The following OR10Z1 variants were observed in gnomAD, a reference collection of about 807,000 sequenced individuals.
The protein encoded by OR10Z1 is olfactory receptor 10Z1.
For synonymous variants in OR10Z1, 187 were observed against 151.2 expected (o/e 1.24, Z -1.74); for missense variants, 468 against 371.0 (o/e 1.26, Z -2.15).
rs1225861960 is a variant in OR10Z1, at chr1:158,609,829, A to C, written c.*2449A>C. 1 of 152,126 alleles carries C rather than the reference A, an allele frequency of 6.6e-6. No individual in the cohort carries two copies. Among genetic ancestry groups the C allele is most frequent in the Non-Finnish European group, 1.5e-5 (1 of 68,016 alleles). 9.4% of individuals were successfully genotyped at this position (152,126 alleles called of 1,614,324 possible). The stretch of plus-strand genomic sequence containing the variant: ...CTAATAATTTGATTTAGGCCTTGAA[A>C]ATTTTTGGCAGGGTTAGCATTGGGG... On this transcript the variant is annotated 3_prime_UTR_variant, in exon 2 of 2. Coordinates refer to ENST00000641002, the MANE Select transcript of OR10Z1 (RefSeq NM_001004478.2).
Position 158,607,658 on chromosome 1 carries a change from A to T in OR10Z1, c.*278A>T. On this transcript the variant is annotated 3_prime_UTR_variant, in exon 2 of 2. Transcript: ENST00000641002. ...CCCCTAGTTACTGAAACCCATTGAG[A>T]ATTAAAAATTTAATTAAGATAATCA... is the stretch of plus-strand genomic sequence containing the variant. 3.0e-6 allele frequency: 1 copy of T among 329,904 alleles called. No homozygotes were observed. The highest frequency in any genetic ancestry group is 5.5e-6 in the Non-Finnish European group (1 of 181,502). The allele number at this position is 329,904 out of a possible 1,614,324, so 20.4% of individuals were successfully genotyped here. A position where few individuals can be genotyped will look rare whatever the true frequency, so the allele number is the denominator to read the frequency against.
Position 158,611,009 on chromosome 1 carries a change from C to A in OR10Z1, c.*3629C>A. Reference sequence around the variant, plus strand: ...AATAAAAATAGAAACTTTGACACCCCTCAGCAGTGACTAGTTGCATACAAA... The same window carrying A: ...AATAAAAATAGAAACTTTGACACCCATCAGCAGTGACTAGTTGCATACAAA... On this transcript the variant is annotated 3_prime_UTR_variant, in exon 2 of 2. Coordinates refer to ENST00000641002, the MANE Select transcript of OR10Z1 (RefSeq NM_001004478.2). 2.1e-6 allele frequency: 1 copy of A among 477,210 alleles called. No homozygotes were observed. Among genetic ancestry groups the A allele is most frequent in the South Asian group, 2.2e-5 (1 of 44,870 alleles). The allele number at this position is 477,210 out of a possible 1,614,324, so 29.6% of individuals were successfully genotyped here. A position where few individuals can be genotyped will look rare whatever the true frequency, so the allele number is the denominator to read the frequency against.
chr1:158,609,032 TCAGCTTAAAA>T lies in OR10Z1; in HGVS notation c.*1653_*1662del, dbSNP rs1415629405. 1 of 151,944 alleles carries T rather than the reference TCAGCTTAAAA, an allele frequency of 6.6e-6. No homozygotes were observed. The highest frequency in any genetic ancestry group is 1.5e-5 in the Non-Finnish European group (1 of 67,992). 9.4% of individuals were successfully genotyped at this position (151,944 alleles called of 1,614,324 possible). ...GAGATCAGCAAGAAACCCATGGATA[TCAGCTTAAAA>T]AAAGGCAAAGAGGCTTGAATATGGA... On this transcript the variant is annotated 3_prime_UTR_variant, in exon 2 of 2. Coordinates refer to ENST00000641002, the MANE Select transcript of OR10Z1 (RefSeq NM_001004478.2).
rs780729873 is a variant in OR10Z1, at chr1:158,611,254, G to A, written c.*3874G>A. The A allele has an allele frequency of 6.2e-7, 1 of 1,613,334 alleles. No homozygotes were observed. Among genetic ancestry groups the A allele is most frequent in the Non-Finnish European group, 8.5e-7 (1 of 1,179,590 alleles). The stretch of plus-strand genomic sequence containing the variant: ...ACTAAGATTTTCTACGATCCACGAG[G>A]AGCTGCTTATTAGTTGCCAAAGTAG... On this transcript the variant is annotated 3_prime_UTR_variant, in exon 2 of 2. Coordinates refer to ENST00000641002, the MANE Select transcript of OR10Z1 (RefSeq NM_001004478.2).
At position 158,611,777 on chromosome 1, in the gene OR10Z1, A is replaced by G; in HGVS notation, c.*4397A>G. On this transcript the variant is annotated 3_prime_UTR_variant, in exon 2 of 2. Coordinates refer to ENST00000641002, the MANE Select transcript of OR10Z1 (RefSeq NM_001004478.2). ...AAGGTAAAATACTCAAGAAGGTAGA[A>G]TAACTCACCAGTGGTTACACTGCCA... 1 of 220,808 alleles carries G rather than the reference A, an allele frequency of 4.5e-6. No individual in the cohort carries two copies. The highest frequency in any genetic ancestry group is 1.3e-4 in the East Asian group (1 of 7,620). The allele number at this position is 220,808 out of a possible 1,614,324, so 13.7% of individuals were successfully genotyped here.
rs975597092 is a variant in OR10Z1, at chr1:158,606,728, G to C, written c.290G>C (p.Cys97Ser). Residue 97 changes from cysteine to serine, a missense_variant, in exon 2 of 2, where the codon TGT becomes TCT. Physicochemically the swap from Cys to Ser is moderately radical, Grantham distance 112 (BLOSUM62 -1). Transcript: ENST00000641002. ...GACCAGGCTATCTCCTATGTGGGCTGTGCTGCCCAGATGTTCTTTTCTGCC... is the reference window on the plus strand; with the variant it reads ...GACCAGGCTATCTCCTATGTGGGCTCTGCTGCCCAGATGTTCTTTTCTGCC... ...GGDQAISYVG[C>S]AAQMFFSASW... The C allele has an allele frequency of 1.9e-6, 3 of 1,613,940 alleles. No homozygotes were observed. In the African/African-American group the frequency reaches 4.0e-5, roughly 22 times the overall value.
chr1:158,612,326 T>C lies in OR10Z1; in HGVS notation c.*4946T>C, dbSNP rs937910088. 30 of 197,768 alleles carry C rather than the reference T, an allele frequency of 1.5e-4. No homozygotes were observed. In the South Asian group the frequency reaches 2.4e-3, roughly 16 times the overall value. The allele number at this position is 197,768 out of a possible 1,614,324, so 12.3% of individuals were successfully genotyped here. A position where few individuals can be genotyped will look rare whatever the true frequency, so the allele number is the denominator to read the frequency against. ...GATGCAAGTATTTTAAGGAGAGGAA[T>C]GAAGAAAGCTCTTGGAATCAGAGAG... On this transcript the variant is annotated 3_prime_UTR_variant, in exon 2 of 2. Transcript: ENST00000641002.
rs780030505 is a variant in OR10Z1, at chr1:158,609,502, G to A, written c.*2122G>A. Reference sequence around the variant, plus strand: ...TAACATTGACTAAATGCACAGTGACGAATGGTTAGTAAGGATGTTTCAAGT... The same window carrying A: ...TAACATTGACTAAATGCACAGTGACAAATGGTTAGTAAGGATGTTTCAAGT... On this transcript the variant is annotated 3_prime_UTR_variant, in exon 2 of 2. Coordinates refer to ENST00000641002, the MANE Select transcript of OR10Z1 (RefSeq NM_001004478.2). 1.8e-4 allele frequency: 28 copies of A among 152,100 alleles called. No individual in the cohort carries two copies. The highest frequency in any genetic ancestry group is 4.3e-4 in the African/African-American group (18 of 41,424). 9.4% of individuals were successfully genotyped at this position (152,100 alleles called of 1,614,324 possible). A position where few individuals can be genotyped will look rare whatever the true frequency, so the allele number is the denominator to read the frequency against.
At position 158,610,903 on chromosome 1, in the gene OR10Z1, C is replaced by A. The variant is rs999142924; in HGVS notation, c.*3523C>A. On this transcript the variant is annotated 3_prime_UTR_variant, in exon 2 of 2. Transcript: ENST00000641002. Reference sequence around the variant, plus strand: ...AGCTCAACATTTTACTTAACTTTGCCCCAAAAAATATTTTTAAAAAGAATT... The same window carrying A: ...AGCTCAACATTTTACTTAACTTTGCACCAAAAAATATTTTTAAAAAGAATT... The A allele has an allele frequency of 7.2e-5, 15 of 207,982 alleles. No homozygotes were observed. Among genetic ancestry groups the A allele is most frequent in the African/African-American group, 3.5e-4 (15 of 42,494 alleles). The allele number at this position is 207,982 out of a possible 1,614,324, so 12.9% of individuals were successfully genotyped here. A position where few individuals can be genotyped will look rare whatever the true frequency, so the allele number is the denominator to read the frequency against.
rs55832242 is a variant in OR10Z1, at chr1:158,611,131, GCACACACACACACACACACACA to G, written c.*3765_*3786del. 7.4e-6 allele frequency: 5 copies of G among 671,318 alleles called. No individual in the cohort carries two copies. Among genetic ancestry groups the G allele is most frequent in the African/African-American group, 3.7e-5 (2 of 53,400 alleles). The allele number at this position is 671,318 out of a possible 1,614,324, so 41.6% of individuals were successfully genotyped here. A position where few individuals can be genotyped will look rare whatever the true frequency, so the allele number is the denominator to read the frequency against. On this transcript the variant is annotated 3_prime_UTR_variant, in exon 2 of 2. Coordinates refer to ENST00000641002, the MANE Select transcript of OR10Z1 (RefSeq NM_001004478.2). ...AAATGTAATATGCACACAAACACAA[GCACACACACACACACACACACA>G]CACACACACACACGAGGCCATCTTT...
Position 158,607,529 on chromosome 1 carries a change from CT to C in OR10Z1, c.*150del, listed in dbSNP as rs1649091817. 1 of 604,116 alleles carries C rather than the reference CT, an allele frequency of 1.7e-6. No individual in the cohort carries two copies. The highest frequency in any genetic ancestry group is 1.8e-5 in the African/African-American group (1 of 54,284). 37.4% of individuals were successfully genotyped at this position (604,116 alleles called of 1,614,324 possible). On this transcript the variant is annotated 3_prime_UTR_variant, in exon 2 of 2. Coordinates refer to ENST00000641002, the MANE Select transcript of OR10Z1 (RefSeq NM_001004478.2). ...CTTATCCTGCCTCTTGCCCTTCCCC[CT>C]GACTGCTTGGAATGCAGAGGCGGGG... is the stretch of plus-strand genomic sequence containing the variant.
chr1:158,610,910 A>T lies in OR10Z1; in HGVS notation c.*3530A>T. 1 of 211,358 alleles carries T rather than the reference A, an allele frequency of 4.7e-6. No individual in the cohort carries two copies. The highest frequency in any genetic ancestry group is 9.7e-6 in the Non-Finnish European group (1 of 103,346). The allele number at this position is 211,358 out of a possible 1,614,324, so 13.1% of individuals were successfully genotyped here. On this transcript the variant is annotated 3_prime_UTR_variant, in exon 2 of 2. Transcript: ENST00000641002. ...CATTTTACTTAACTTTGCCCCAAAA[A>T]ATATTTTTAAAAAGAATTACTTTAT...
rs1416829732 is a variant in OR10Z1 at position 158,610,520 on chromosome 1, C to G, written c.*3140C>G. The G allele has an allele frequency of 6.6e-6, 1 of 151,770 alleles. No homozygotes were observed. Among genetic ancestry groups the G allele is most frequent in the Non-Finnish European group, 1.5e-5 (1 of 67,980 alleles). The allele number at this position is 151,770 out of a possible 1,614,324, so 9.4% of individuals were successfully genotyped here. On this transcript the variant is annotated 3_prime_UTR_variant, in exon 2 of 2. Transcript: ENST00000641002. ...GGATATTGAAGTATTATTTTTATTA[C>G]ATTAAAACTTAAGAGAAAATACGGG...
Position 158,611,331 on chromosome 1 carries a change from G to C in OR10Z1, c.*3951G>C, listed in dbSNP as rs1227576937. ...GCCAGAGAGATGGCTTCGACCCCGT[G>C]GGTCCATATATTGCTGCATATGTGT... On this transcript the variant is annotated 3_prime_UTR_variant, in exon 2 of 2. Transcript: ENST00000641002. 1 of 1,613,778 alleles carries C rather than the reference G, an allele frequency of 6.2e-7. No homozygotes were observed. Among genetic ancestry groups the C allele is most frequent in the Non-Finnish European group, 8.5e-7 (1 of 1,179,788 alleles).
chr1:158,606,864 C>A lies in OR10Z1; in HGVS notation c.426C>A (p.Ala142=), dbSNP rs748864922. Residue 142 remains alanine, a synonymous_variant, in exon 2 of 2, where the codon GCC becomes GCA. Coordinates refer to ENST00000641002, the MANE Select transcript of OR10Z1 (RefSeq NM_001004478.2). ...GCCACATGAATCCTACCCTCTGTGC[C>A]CAGCTGGTCATTACTTCCTTCCTGA... ...YASHMNPTLC[A]QLVITSFLTG... 1.9e-6 allele frequency: 3 copies of A among 1,614,064 alleles called. 1 individual carries two copies. The highest frequency in any genetic ancestry group is 2.2e-5 in the South Asian group (2 of 91,076).
chr1:158,605,852 C>T (rs1215080865), intron 1 of OR10Z1, among the ~76,000 whole-genome samples: 1 of 152,158 alleles, frequency 6.6e-6, no homozygotes, highest in Non-Finnish European at 1.5e-5. Context: ...CAAGTTTCCC[C>T]ACCTCCCCAC....
Position 158,611,594 on chromosome 1 carries a change from A to C in OR10Z1, c.*4214A>C. On this transcript the variant is annotated 3_prime_UTR_variant, in exon 2 of 2. Transcript: ENST00000641002. ...TTTTAATCTCAGCCCTTTCTTGAAA[A>C]AGAGAGCTTACTCACTTTGATTATT... 1.9e-6 allele frequency: 1 copy of C among 522,070 alleles called. No individual in the cohort carries two copies. Among genetic ancestry groups the C allele is most frequent in the Non-Finnish European group, 3.3e-6 (1 of 299,416 alleles). The allele number at this position is 522,070 out of a possible 1,614,324, so 32.3% of individuals were successfully genotyped here. A position where few individuals can be genotyped will look rare whatever the true frequency, so the allele number is the denominator to read the frequency against.
At position 158,606,463 on chromosome 1, in the gene OR10Z1, T is replaced by C; in HGVS notation, c.25T>C (p.Trp9Arg). 1 of 1,613,636 alleles carries C rather than the reference T, an allele frequency of 6.2e-7. No individual in the cohort carries two copies. Among genetic ancestry groups the C allele is most frequent in the Non-Finnish European group, 8.5e-7 (1 of 1,179,706 alleles). The change falls in exon 2 of 2, where the codon TGG (tryptophan) becomes CGG (arginine). Residue 9 changes from tryptophan to arginine, a missense_variant. Coordinates refer to ENST00000641002, the MANE Select transcript of OR10Z1 (RefSeq NM_001004478.2). Reference protein sequence around the residue: MGQTNVTSWRDFVFLGFSS... With the variant: MGQTNVTSRRDFVFLGFSS... ...AATGGGGCAGACCAACGTAACCTCC[T>C]GGAGGGATTTTGTCTTCCTGGGCTT...
Position 158,606,600 on chromosome 1 carries a change from T to C in OR10Z1, c.162T>C (p.His54=), listed in dbSNP as rs567214567. 10 of 1,614,106 alleles carry C rather than the reference T, an allele frequency of 6.2e-6. No homozygotes were observed. In the South Asian group the frequency reaches 7.7e-5, roughly 12 times the overall value. ...TCATAGCCATCAGGCTGGATAGCCA[T>C]CTGCACACCCCCATGTACCTCTTCC... The part of the protein sequence containing the change: ...FIIIAIRLDS[H]LHTPMYLFLS... Residue 54 remains histidine, a synonymous_variant, in exon 2 of 2, where the codon CAT becomes CAC. Coordinates refer to ENST00000641002, the MANE Select transcript of OR10Z1 (RefSeq NM_001004478.2).
Sources: gnomAD v4.1 joint callset for allele counts (sites outside exome capture counted in the v4.1 genomes callset) on GRCh38, gnomAD v4.1.1 for gene constraint, MANE v1.5 for transcripts, NCBI Gene and HGNC (gene_info 2026-07-23, HGNC 2026-07-21) for gene names.